Variants in FARS2 observed in about 807,000 individuals in gnomAD.
FARS2 encodes the protein phenylalanine--tRNA ligase, mitochondrial.
In FARS2, 40 loss-of-function variants were observed where a neutral mutation model predicts 46.4. That is an observed-to-expected ratio of 0.86 (90% confidence interval 0.67 to 1.12). FARS2 has a LOEUF of 1.12. Among genes scored for constraint, FARS2 ranks in the 50% most tolerant of loss-of-function variants. FARS2 has a pLI of 0.00. For synonymous variants in FARS2, 234 were observed against 214.9 expected (o/e 1.09, Z -0.78); for missense variants, 513 against 567.9 (o/e 0.90, Z 0.98).
At chr6:5,759,231 A>C (rs1020819169) in intron 6 of FARS2, among the ~76,000 whole-genome samples, 2 of 152,076 alleles carry the variant, frequency 1.3e-5, no homozygotes, top group African/African-American at 4.8e-5. Context: ...CTTTCACTCC[A>C]TCGGTTCCTA....
At chr6:5,363,877 A>G (rs2127632213) in intron 1 of FARS2, among the ~76,000 whole-genome samples, 1 of 152,322 alleles carries the variant, frequency 6.6e-6, no homozygotes, top group Admixed American at 6.5e-5. Flanking sequence ...CGCTTGTGAT[A>G]TTAACTCTTA....
At chr6:5,648,737 A>G (rs1338810662) in intron 6 of FARS2, among the ~76,000 whole-genome samples, 2 of 152,274 alleles carry the variant, frequency 1.3e-5, no homozygotes, top group South Asian at 2.1e-4. Flanking sequence ...TATTTGAAGT[A>G]TGTAATTCAA....
intron 1 of FARS2, among the ~76,000 whole-genome samples, chr6:5,314,964 C>T (rs1367149180): frequency 6.6e-6 from 1 of 152,150 alleles, no homozygotes; most frequent in African/African-American, 2.4e-5. Flanking sequence ...TGTGTTCTCT[C>T]TTTAGGAAAA....
intron 4 of FARS2, among the ~76,000 whole-genome samples, chr6:5,464,266 G>A (rs754690468): frequency 6.6e-6 from 1 of 152,182 alleles, no homozygotes; most frequent in African/African-American, 2.4e-5. Flanking sequence ...GCTGCGACTC[G>A]GCAGAGCAGC....
chr6:5,724,219 A>G (rs1401156899), intron 6 of FARS2, among the ~76,000 whole-genome samples: 1 of 152,100 alleles, frequency 6.6e-6, no homozygotes, highest in African/African-American at 2.4e-5. Context: ...GCCATCAGAG[A>G]CCTGAGAGGG....
chr6:5,689,991 G>T (rs997682486), intron 6 of FARS2, among the ~76,000 whole-genome samples: 1 of 152,122 alleles, frequency 6.6e-6, no homozygotes, highest in African/African-American at 2.4e-5. Context: ...TTGGTTTAAA[G>T]TCTGTTTTAT....
intron 6 of FARS2, among the ~76,000 whole-genome samples, chr6:5,650,471 A>G (rs1408433780): frequency 6.6e-6 from 1 of 151,990 alleles, no homozygotes; most frequent in African/African-American, 2.4e-5. Context: ...CCCTCTAACA[A>G]ATTGCGGCAT....
At position 5,727,641 on chromosome 6, in the gene FARS2, C is replaced by G. The variant is rs914879806; in HGVS notation, c.1218-43650C>G. 2.6e-5 allele frequency among the ~76,000 whole-genome samples: 4 copies of G among 152,170 alleles called. No individual in the cohort carries two copies. The highest frequency in any genetic ancestry group is 5.9e-5 in the Non-Finnish European group (4 of 68,034). ...TGCTTGGGCCATTGTGGCACCTATA[C>G]ATCTTTAATACACGCCCCAATTAAT... On this transcript the variant is annotated intron_variant, in intron 6 of 6. Transcript: ENST00000274680. This position sits in a 1 kb window ranked among gnomAD's most constrained non-coding sequence, Gnocchi z 4.1.
intron 4 of FARS2, among the ~76,000 whole-genome samples, chr6:5,504,374 T>C (rs1767981571): frequency 6.8e-6 from 1 of 147,510 alleles, no homozygotes; most frequent in Non-Finnish European, 1.5e-5. Context: ...ACCTATACAC[T>C]GAGTGGAAGC....
chr6:5,489,908 A>G (rs111297837), intron 4 of FARS2, among the ~76,000 whole-genome samples: 61 of 152,342 alleles, frequency 4.0e-4, no homozygotes, highest in African/African-American at 9.4e-4. Context: ...ATTTTTTATT[A>G]CGGTATTATT....
chr6:5,350,362 T>TA (rs1561976701), intron 1 of FARS2, among the ~76,000 whole-genome samples: 1 of 152,086 alleles, frequency 6.6e-6, no homozygotes, highest in Non-Finnish European at 1.5e-5. Context: ...GGAAAGACAT[T>TA]GTTTCTAGAA....
chr6:5,463,837 C>T (rs1765373914), intron 4 of FARS2, among the ~76,000 whole-genome samples: 1 of 152,112 alleles, frequency 6.6e-6, no homozygotes, highest in Non-Finnish European at 1.5e-5. Flanking sequence ...TTTCATTTTC[C>T]TTCTGGTTTA....
chr6:5,485,907 C>T (rs951312269), intron 4 of FARS2, among the ~76,000 whole-genome samples: 1 of 152,226 alleles, frequency 6.6e-6, no homozygotes, highest in Admixed American at 6.5e-5. Flanking sequence ...GCCTACTGAA[C>T]TGGGCTGCAC....
At chr6:5,687,357 T>C (rs1346669129) in intron 6 of FARS2, among the ~76,000 whole-genome samples, 1 of 152,242 alleles carries the variant, frequency 6.6e-6, no homozygotes, top group Admixed American at 6.5e-5. Flanking sequence ...CTTTAATCCA[T>C]CTCGCATTAA....
At chr6:5,604,557 C>T (rs1420876771) in intron 5 of FARS2, among the ~76,000 whole-genome samples, 2 of 152,154 alleles carry the variant, frequency 1.3e-5, no homozygotes, top group Non-Finnish European at 2.9e-5. Context: ...TCTGAAACCA[C>T]AGAACTGTGA....
chr6:5,409,946 T>C (rs1385350645), intron 3 of FARS2, among the ~76,000 whole-genome samples: 1 of 152,112 alleles, frequency 6.6e-6, no homozygotes, highest in African/African-American at 2.4e-5. Flanking sequence ...CTGTATTGCC[T>C]CTCAGGGGAG....
In FARS2 at chr6:5,660,333, G is replaced by A. The variant is rs3749858; in HGVS notation, c.1217+47013G>A. On this transcript the variant is annotated intron_variant, in intron 6 of 6. Coordinates refer to ENST00000274680, the MANE Select transcript of FARS2 (RefSeq NM_006567.5). ...TGAGTGACAGCTGAAATAAGCATCT[G>A]CAACTTGATGCTTTAAGAGCAGTGA... 7.2e-4 allele frequency among the ~76,000 whole-genome samples: 109 copies of A among 152,280 alleles called. 1 individual carries two copies. In the East Asian group the frequency reaches 8.1e-3, roughly 11 times the overall value.
At chr6:5,452,902 A>G (rs533025510) in intron 4 of FARS2, 4 of 152,328 alleles carry the variant, frequency 2.6e-5, no homozygotes, top group African/African-American at 9.6e-5. Flanking sequence ...GGCTAAGGGA[A>G]GTGGAAAGGT....
chr6:5,316,923 C>G (rs1300653201), intron 1 of FARS2, among the ~76,000 whole-genome samples: 1 of 152,164 alleles, frequency 6.6e-6, no homozygotes, highest in Non-Finnish European at 1.5e-5. Flanking sequence ...CCCCTTCTAG[C>G]CTTCCTGTCT....
Sources: allele counts gnomAD v4.1 joint callset (sites outside exome capture counted in the v4.1 genomes callset), GRCh38; gene constraint gnomAD v4.1.1; non-coding constraint Gnocchi (gnomAD v3.1); transcripts MANE v1.5; gene names NCBI Gene and HGNC (gene_info 2026-07-23, HGNC 2026-07-21).